The following PPHLN1 variants were observed in gnomAD, a reference collection of about 807,000 sequenced individuals.
The protein encoded by PPHLN1 is periphilin-1.
In PPHLN1, 29 loss-of-function variants were observed where a neutral mutation model predicts 51.3. The ratio of observed to expected loss-of-function variants is 0.57; its 90% confidence interval spans 0.42 to 0.77. The LOEUF (loss-of-function observed/expected upper bound fraction) is 0.77. Among genes scored for constraint, PPHLN1 ranks in the 30% least tolerant of loss-of-function variants. PPHLN1 has a pLI of 0.00. For missense variants in PPHLN1, 436 were observed against 438.4 expected (o/e 0.99, Z 0.05); for synonymous variants, 147 against 147.8 (o/e 0.99, Z 0.04).
Position 42,438,045 on chromosome 12 carries a change from G to C in PPHLN1, c.910-3270G>C, listed in dbSNP as rs138195712. ...TGATGAAAAATATTCCATTGTATGA[G>C]TATACTGCAGTTTGTCCATTTATCC... On this transcript the variant is annotated intron_variant, in intron 9 of 9. Transcript: ENST00000358314. Among the ~76,000 whole-genome samples the C allele has an allele frequency of 6.2e-3, 948 of 152,242 alleles. 9 individuals are homozygous for C. Among genetic ancestry groups the C allele is most frequent in the African/African-American group, 0.022 (894 of 41,546 alleles).
In PPHLN1 at chr12:42,355,152, A is replaced by G; in HGVS notation, c.238-9A>G. 1 of 1,612,888 alleles carries G rather than the reference A, an allele frequency of 6.2e-7. No individual in the cohort carries two copies. The highest frequency in any genetic ancestry group is 2.2e-5 in the East Asian group (1 of 44,794). ...AAACAAATAGCTAAGTAGCTTTTTTATGTTACAGGATGAATCTGGTTATAG... is the reference window on the plus strand; with the variant it reads ...AAACAAATAGCTAAGTAGCTTTTTTGTGTTACAGGATGAATCTGGTTATAG... On this transcript the variant is annotated splice_polypyrimidine_tract_variant and intron_variant, in intron 3 of 9. Coordinates refer to ENST00000358314, the MANE Select transcript of PPHLN1 (RefSeq NM_201439.2).
At chr12:42,383,261 G>A (rs1478969462) in intron 5 of PPHLN1, among the ~76,000 whole-genome samples, 2 of 152,154 alleles carry the variant, frequency 1.3e-5, no homozygotes, top group Admixed American at 6.5e-5. Context: ...TCTGTGGAGT[G>A]TAGATTCTCA....
At chr12:42,371,116 T>G (rs892572423) in intron 4 of PPHLN1, among the ~76,000 whole-genome samples, 46 of 28,654 alleles carry the variant, frequency 1.6e-3, no homozygotes, top group Non-Finnish European at 2.9e-3. Flanking sequence ...CTGGTGTTTT[T>G]TTTTTTTTTT....
chr12:42,368,655 C>G (rs1368096597), intron 4 of PPHLN1, among the ~76,000 whole-genome samples: 1 of 152,128 alleles, frequency 6.6e-6, no homozygotes, highest in South Asian at 2.1e-4. Context: ...ACAGAACCCC[C>G]TTTTATGTTT....
At chr12:42,372,518 G>T (rs2075895585) in intron 4 of PPHLN1, among the ~76,000 whole-genome samples, 1 of 152,098 alleles carries the variant, frequency 6.6e-6, no homozygotes, top group Admixed American at 6.5e-5. Context: ...TATTTTCCTT[G>T]TTGGAATACT....
At chr12:42,352,488 C>A (rs899635366) in intron 3 of PPHLN1, among the ~76,000 whole-genome samples, 1 of 151,356 alleles carries the variant, frequency 6.6e-6, no homozygotes, top group Non-Finnish European at 1.5e-5. Context: ...CGGCTCACTG[C>A]AACCTGTGCC....
chr12:42,384,789 C>T (rs2077053260), intron 5 of PPHLN1, 151 bp from the exon 6 acceptor site: 1 of 624,326 alleles, frequency 1.6e-6, no homozygotes, highest in Admixed American at 3.0e-5. Context: ...CTCAGGCAGC[C>T]CAACTTGAAA....
chr12:42,378,155 G>C (rs967621465), intron 5 of PPHLN1, among the ~76,000 whole-genome samples: 2 of 128,190 alleles, frequency 1.6e-5, no homozygotes, highest in Non-Finnish European at 3.4e-5. Context: ...TTTCTTTCAA[G>C]TTATTTAGCT....
chr12:42,341,168 A>AGGTGGGG (rs1216275047), intron 2 of PPHLN1, among the ~76,000 whole-genome samples: 1 of 151,806 alleles, frequency 6.6e-6, no homozygotes, highest in Admixed American at 6.6e-5. Flanking sequence ...TTTTTAGTAG[A>AGGTGGGG]GGTGGGGTTT....
intron 9 of PPHLN1, chr12:42,431,926 C>G: frequency 6.5e-7 from 1 of 1,549,366 alleles, no homozygotes; most frequent in Non-Finnish European, 8.9e-7. Flanking sequence ...TCTACGAGAC[C>G]TCGTATGACG....
At chr12:42,348,661 C>T (rs1197816633) in intron 2 of PPHLN1, among the ~76,000 whole-genome samples, 1 of 152,142 alleles carries the variant, frequency 6.6e-6, no homozygotes, top group African/African-American at 2.4e-5. Context: ...CCCACCATCC[C>T]TCCAAATAAT....
chr12:42,432,249 T>G, intron 9 of PPHLN1: 1 of 775,862 alleles, frequency 1.3e-6, no homozygotes, highest in Non-Finnish European at 2.4e-6. Flanking sequence ...TAACTGGAGG[T>G]GTAATTAGGG....
intron 1 of PPHLN1, among the ~76,000 whole-genome samples, chr12:42,331,002 C>T (rs568409887): frequency 6.6e-6 from 1 of 152,346 alleles, no homozygotes; most frequent in Non-Finnish European, 1.5e-5. Flanking sequence ...AGCCACCGTG[C>T]CCAGCCATGG....
chr12:42,371,755 G>T (rs1319259494), intron 4 of PPHLN1, among the ~76,000 whole-genome samples: 2 of 152,176 alleles, frequency 1.3e-5, no homozygotes, highest in African/African-American at 2.4e-5. Flanking sequence ...TTGAAAAAGA[G>T]AATGTAAAAT....
At chr12:42,342,973 ATCCTT>A (rs1376007723) in intron 2 of PPHLN1, among the ~76,000 whole-genome samples, 1 of 152,190 alleles carries the variant, frequency 6.6e-6, no homozygotes, top group Non-Finnish European at 1.5e-5. Flanking sequence ...TCAAAAATAA[ATCCTT>A]TAGTAAATCC....
At chr12:42,351,795 A>G (rs1414335794) in intron 2 of PPHLN1, 90 bp from the exon 3 acceptor site, 11 of 1,041,646 alleles carry the variant, frequency 1.1e-5, no homozygotes, top group Non-Finnish European at 1.5e-5. Context: ...CATTCGATTA[A>G]GGGTAAGAAC....
intron 9 of PPHLN1, among the ~76,000 whole-genome samples, chr12:42,400,964 A>AT (rs2078790076): frequency 6.6e-6 from 1 of 152,098 alleles, no homozygotes; most frequent in East Asian, 1.9e-4. Context: ...ATTTCTCCAT[A>AT]TTTTTTAAAA....
chr12:42,404,146 C>G (rs539801653), intron 9 of PPHLN1, among the ~76,000 whole-genome samples: 21 of 152,046 alleles, frequency 1.4e-4, no homozygotes, highest in Non-Finnish European at 2.8e-4. Context: ...TGAAAATTAC[C>G]ATACAGGTGG....
At chr12:42,413,585 G>A (rs1208995467) in intron 9 of PPHLN1, among the ~76,000 whole-genome samples, 1 of 139,868 alleles carries the variant, frequency 7.1e-6, no homozygotes, top group Non-Finnish European at 1.6e-5. Context: ...CTTTTGAGAT[G>A]GAGTGTCACT....
Sources: allele counts gnomAD v4.1 joint callset (sites outside exome capture counted in the v4.1 genomes callset), GRCh38; gene constraint gnomAD v4.1.1; transcripts MANE v1.5; gene names NCBI Gene and HGNC (gene_info 2026-07-23, HGNC 2026-07-21).